The following CLEC16A variants were observed in gnomAD, a reference collection of about 807,000 sequenced individuals.
CLEC16A encodes protein CLEC16A.
CLEC16A carries 51 observed loss-of-function variants against 109.5 expected under a neutral mutation model. That is an observed-to-expected ratio of 0.47 (90% CI 0.37 to 0.59). CLEC16A has a LOEUF of 0.59. CLEC16A is among the 20% of genes least tolerant of loss of function. CLEC16A has a pLI of 0.00. For synonymous variants in CLEC16A, 673 were observed against 564.2 expected, an observed-to-expected ratio of 1.19 and a Z score of -2.73; for missense variants, 1,339 against 1,394.0, an observed-to-expected ratio of 0.96 and a Z score of 0.63.
At chr16:11,001,100 T>C (rs1369012641) in intron 10 of CLEC16A, among the ~76,000 whole-genome samples, 1 of 152,202 alleles carries the variant, frequency 6.6e-6, no homozygotes, top group Non-Finnish European at 1.5e-5. Flanking sequence ...ACCCTTTTTT[T>C]TTTATTTTCT....
intron 11 of CLEC16A, among the ~76,000 whole-genome samples, chr16:11,014,422 G>A (rs1248654207): frequency 6.6e-6 from 1 of 152,230 alleles, no homozygotes; most frequent in Non-Finnish European, 1.5e-5. Context: ...TGCATGTGCA[G>A]TTGCATACTT....
intron 1 of CLEC16A, among the ~76,000 whole-genome samples, chr16:10,956,391 A>G (rs950425968): frequency 5.9e-5 from 9 of 152,094 alleles, no homozygotes; most frequent in Admixed American, 2.6e-4. Context: ...AGATGGGACA[A>G]TCCTATCTAG....
At position 11,123,932 on chromosome 16, in the gene CLEC16A, T is replaced by G; in HGVS notation, c.2459T>G (p.Met820Arg). 1 of 1,610,476 alleles carries G rather than the reference T, an allele frequency of 6.2e-7. No homozygotes were observed. The highest frequency in any genetic ancestry group is 8.5e-7 in the Non-Finnish European group (1 of 1,178,450). Reference sequence around the variant, plus strand: ...CGCATCCAGGCAAGGCGCATGAAGATGCAGAGAATAGCTGGTGAGTGGCTG... The same window carrying G: ...CGCATCCAGGCAAGGCGCATGAAGAGGCAGAGAATAGCTGGTGAGTGGCTG... ...KGRIQARRMK[M>R]QRIAALLDLP... The change falls in exon 21 of 24, where the codon ATG becomes AGG. Residue 820 changes from methionine (M) to arginine (R), a missense_variant. Around this residue, in one of 3 missense-constraint regions of CLEC16A, gnomAD observed 1,061 missense variants for 1,006.8 expected, o/e 1.05. Coordinates refer to ENST00000409790, the MANE Select transcript of CLEC16A (RefSeq NM_015226.3).
At chr16:11,075,723 C>T (rs1039711368) in intron 19 of CLEC16A, among the ~76,000 whole-genome samples, 3 of 152,052 alleles carry the variant, frequency 2.0e-5, no homozygotes, top group South Asian at 2.1e-4. Context: ...AGGTGTGAGC[C>T]CCTGCGCCTG....
chr16:11,026,314 T>G (rs1399369433), intron 13 of CLEC16A, among the ~76,000 whole-genome samples: 1 of 152,224 alleles, frequency 6.6e-6, no homozygotes, highest in Non-Finnish European at 1.5e-5. Context: ...TGGAAGGTTT[T>G]TAACCACTCA....
chr16:11,040,981 C>G (rs978570302), intron 14 of CLEC16A: 1 of 152,186 alleles, frequency 6.6e-6, no homozygotes, highest in African/African-American at 2.4e-5. Flanking sequence ...AGAGGCATAG[C>G]CTGAAGGCCT....
chr16:11,024,836 G>C lies in CLEC16A; in HGVS notation c.1452G>C (p.Met484Ile), dbSNP rs1245811461. 1 of 1,603,322 alleles carries C rather than the reference G, an allele frequency of 6.2e-7. No homozygotes were observed. The highest frequency in any genetic ancestry group is 8.5e-7 in the Non-Finnish European group (1 of 1,174,834). Residue 484 changes from methionine (M) to isoleucine (I), a missense_variant, in exon 13 of 24, where the codon ATG (methionine) becomes ATC (isoleucine). Physicochemically the swap from Met to Ile is conservative, Grantham distance 10. Around this residue, in one of 3 missense-constraint regions of CLEC16A, gnomAD observed 1,061 missense variants for 1,006.8 expected, o/e 1.05. Transcript: ENST00000409790. ...TCTTTTCCAGACCCTTCCTGGATAT[G>C]GTGTACCACGCGCTGGACAGCCCGG... ...STQWSRPFLD[M>I]VYHALDSPDD...
rs372511653 is a variant in CLEC16A, at chr16:11,026,913, G to T, written c.1537+1992G>T. 620 of 885,562 alleles carry T rather than the reference G, an allele frequency of 7.0e-4. 8 individuals are homozygous for T. In the South Asian group the frequency reaches 9.1e-3, roughly 13 times the overall value. 54.9% of individuals were successfully genotyped at this position (885,562 alleles called of 1,614,324 possible). ...CTATGGCTAAGTGAACGCTGACTGGGTCCTCCAGCGTGAGCTAGAACAGAC... is the reference window on the plus strand; with the variant it reads ...CTATGGCTAAGTGAACGCTGACTGGTTCCTCCAGCGTGAGCTAGAACAGAC... On this transcript the variant is annotated intron_variant, in intron 13 of 23. Transcript: ENST00000409790.
intron 22 of CLEC16A, among the ~76,000 whole-genome samples, chr16:11,131,597 T>C (rs1013360941): frequency 6.6e-6 from 1 of 152,204 alleles, no homozygotes; most frequent in South Asian, 2.1e-4. Flanking sequence ...TCCTGGCCCT[T>C]GCAGATGAGG....
chr16:11,173,493 AT>A (rs1611063), intron 23 of CLEC16A, among the ~76,000 whole-genome samples: 104,712 of 151,836 alleles, frequency 0.69, 36,551 homozygotes, highest in African/African-American at 0.79. Context: ...TTCAGTCTTG[AT>A]TTTTCAAAGG....
Position 10,971,229 on chromosome 16 carries a change from A to G in CLEC16A, c.597A>G (p.Lys199=). ...GAACCATAACTTTGAATGTCTATAA[A>G]GGTAAGTGTCCTCATGGGCTTGTGT... ...AVRTITLNVY[K]VSLDNQAMLH... The change falls in exon 5 of 24, where the codon AAA becomes AAG. Residue 199 remains lysine, a splice_region_variant and synonymous_variant. Transcript: ENST00000409790. 1 of 1,605,308 alleles carries G rather than the reference A, an allele frequency of 6.2e-7. No homozygotes were observed. The highest frequency in any genetic ancestry group is 1.3e-5 in the African/African-American group (1 of 74,862).
Position 11,178,576 on chromosome 16 carries a change from C to T in CLEC16A, c.3048C>T (p.His1016=). The T allele has an allele frequency of 1.9e-6, 3 of 1,610,664 alleles. No homozygotes were observed. The highest frequency in any genetic ancestry group is 2.2e-5 in the East Asian group (1 of 44,876). The change falls in exon 24 of 24, where the codon CAC becomes CAT. Residue 1016 remains histidine, a synonymous_variant. Coordinates refer to ENST00000409790, the MANE Select transcript of CLEC16A (RefSeq NM_015226.3). This position sits in a 1 kb window ranked among gnomAD's most constrained non-coding sequence, Gnocchi z 6.5. ...CCCTTGTCCCCCCAGTTGACCCCCA[C>T]AGCCTCCGCAGCCTCACCGGCATGC... ...SLTLVPPVDP[H]SLRSLTGMPP... is the part of the protein sequence containing the mutation.
At chr16:10,990,282 G>C (rs1038117100) in intron 10 of CLEC16A, among the ~76,000 whole-genome samples, 8 of 152,298 alleles carry the variant, frequency 5.3e-5, no homozygotes, top group African/African-American at 1.7e-4. Flanking sequence ...CCGAAGTATT[G>C]AATGTGGCAG....
intron 22 of CLEC16A, among the ~76,000 whole-genome samples, chr16:11,141,459 A>G (rs1193137837): frequency 6.6e-6 from 1 of 152,224 alleles, no homozygotes; most frequent in East Asian, 1.9e-4. Flanking sequence ...CAGAGGGTTC[A>G]TGCCGCCAGA....
At chr16:10,958,128 C>G (rs2042079331) in intron 2 of CLEC16A, among the ~76,000 whole-genome samples, 1 of 151,588 alleles carries the variant, frequency 6.6e-6, no homozygotes, top group African/African-American at 2.4e-5. Context: ...ATGAGTGTCT[C>G]TAGAAAACCT....
rs76430964 is a variant in CLEC16A at position 11,132,891 on chromosome 16, A to G, written c.2641+6745A>G. Among the ~76,000 whole-genome samples the G allele has an allele frequency of 2.1e-3, 318 of 152,168 alleles. 7 individuals carry two copies. The East Asian group carries it at 0.049, about 23-fold the overall frequency. Reference sequence around the variant, plus strand: ...GGGGACAGAGGATGGGGCTGGAGGAATTGTTCAGTCTTGTTTTCCCAACAG... The same window carrying G: ...GGGGACAGAGGATGGGGCTGGAGGAGTTGTTCAGTCTTGTTTTCCCAACAG... On this transcript the variant is annotated intron_variant, in intron 22 of 23. Coordinates refer to ENST00000409790, the MANE Select transcript of CLEC16A (RefSeq NM_015226.3).
chr16:11,034,176 G>A (rs894139530), intron 13 of CLEC16A, among the ~76,000 whole-genome samples: 2 of 152,228 alleles, frequency 1.3e-5, no homozygotes, highest in South Asian at 2.1e-4. Flanking sequence ...CACAACGTCA[G>A]TTTGGATCTT....
At chr16:10,991,329 A>C (rs1278958225) in intron 10 of CLEC16A, among the ~76,000 whole-genome samples, 3 of 151,274 alleles carry the variant, frequency 2.0e-5, no homozygotes, top group Non-Finnish European at 2.9e-5. Flanking sequence ...CATTTTGGTC[A>C]TAAAGAACAT....
chr16:11,131,458 G>A (rs932334733), intron 22 of CLEC16A, among the ~76,000 whole-genome samples: 3 of 152,164 alleles, frequency 2.0e-5, no homozygotes, highest in Non-Finnish European at 4.4e-5. Context: ...GCTCCTACTG[G>A]CCCAGAGGCT....
Sources: gnomAD v4.1 joint callset for allele counts (sites outside exome capture counted in the v4.1 genomes callset) on GRCh38, gnomAD v4.1.1 for gene constraint, gnomAD v4.1.1 regional missense constraint, Gnocchi (gnomAD v3.1) non-coding constraint, MANE v1.5 for transcripts, NCBI Gene and HGNC (gene_info 2026-07-23, HGNC 2026-07-21) for gene names.